NAV1: variants seen among roughly 807,000 people sequenced by gnomAD.
The protein encoded by NAV1 is neuron navigator 1.
Under a neutral mutation model 175.2 loss-of-function variants are expected in NAV1, and 18 were observed. The observed-to-expected ratio is 0.10, with a 90% CI of 0.07 to 0.15. NAV1 has a LOEUF of 0.15. Among genes scored for constraint, NAV1 ranks in the 10% least tolerant of loss-of-function variants. The probability of loss-of-function intolerance (pLI) is 1.00; values close to 1 mark genes in which losing one functional copy is unlikely to be tolerated. For missense variants in NAV1, 1,731 were observed against 2,436.6 expected, an observed-to-expected ratio of 0.71 and a Z score of 6.10; for synonymous variants, 897 against 978.7, an observed-to-expected ratio of 0.92 and a Z score of 1.56.
intron 3 of NAV1, chr1:201,739,740 G>T (rs1673281450): frequency 2.6e-6 from 3 of 1,168,758 alleles, no homozygotes; most frequent in Non-Finnish European, 3.2e-6. Context: ...TTGTCTACCT[G>T]CTCTGGGTGT....
intron 10 of NAV1, among the ~76,000 whole-genome samples, 179 bp from the exon 15 acceptor site, chr1:201,789,561 T>C (rs1676974526): frequency 6.6e-6 from 1 of 152,170 alleles, no homozygotes; most frequent in Non-Finnish European, 1.5e-5. Context: ...GGAGGCTAGC[T>C]TGACTCAAGA....
intron 3 of NAV1, among the ~76,000 whole-genome samples, chr1:201,732,155 G>C (rs541951904): frequency 6.6e-6 from 1 of 151,762 alleles, no homozygotes; most frequent in South Asian, 2.1e-4. Context: ...TGTCACCCAG[G>C]CTGGGGTGCA....
At chr1:201,670,717 C>G (rs1670009442) in intron 1 of NAV1, among the ~76,000 whole-genome samples, 1 of 147,568 alleles carries the variant, frequency 6.8e-6, no homozygotes, top group Admixed American at 6.8e-5. Flanking sequence ...CTCGGTAATG[C>G]TGGTAGAGAT....
chr1:201,757,718 G>C (rs1674603291), intron 3 of NAV1, among the ~76,000 whole-genome samples: 1 of 152,186 alleles, frequency 6.6e-6, no homozygotes, highest in African/African-American at 2.4e-5. Context: ...ATCCAGCGAG[G>C]CACAAGAGGG....
In NAV1 at chr1:201,802,136, CAAA is replaced by C. The variant is rs771631007; in HGVS notation, c.3518-1440_3518-1438del. On this transcript the variant is annotated intron_variant, in intron 15 of 29. Coordinates refer to ENST00000367296, the Ensembl canonical transcript of NAV1. The stretch of plus-strand genomic sequence containing the variant: ...TGGGCGACAGAGCGAGACTCCGTCT[CAAA>C]AAAAAAAAAAAAAAAATTAGCCGGG... Among the ~76,000 whole-genome samples, 68 of 20,310 alleles carry C rather than the reference CAAA, an allele frequency of 3.3e-3. 6 individuals carry two copies. Among genetic ancestry groups the C allele is most frequent in the Middle Eastern group, 0.062 (2 of 32 alleles). 13.3% of individuals were successfully genotyped at this position (20,310 alleles called of 152,430 possible).
chr1:201,685,498 C>T (rs983311109), intron 1 of NAV1, among the ~76,000 whole-genome samples: 3 of 152,158 alleles, frequency 2.0e-5, no homozygotes, highest in African/African-American at 7.2e-5. Context: ...GAGAAGGTGT[C>T]CATTACCCCA....
intron 28 of NAV1, among the ~76,000 whole-genome samples, chr1:201,816,267 A>G (rs1270148770): frequency 6.6e-6 from 1 of 152,118 alleles, no homozygotes; most frequent in Non-Finnish European, 1.5e-5. Flanking sequence ...GCTAGTTGGG[A>G]GGCTGAAGTA....
At chr1:201,660,123 C>T (rs1370805873) in intron 1 of NAV1, among the ~76,000 whole-genome samples, 1 of 152,170 alleles carries the variant, frequency 6.6e-6, no homozygotes, top group Non-Finnish European at 1.5e-5. Flanking sequence ...CATGGCCTCC[C>T]TGTCATCCTG....
exon 1 of NAV1, chr1:201,648,687 A>G: frequency 7.0e-7 from 1 of 1,422,474 alleles, no homozygotes; most frequent in Non-Finnish European, 9.1e-7. Context: ...CAGCAGCGTC[A>G]AGAGCGTGCA....
At chr1:201,793,910 G>A in intron 14 of NAV1, 35 bp downstream of exon 18, 1 of 1,462,740 alleles carries the variant, frequency 6.8e-7, no homozygotes, top group South Asian at 1.2e-5. Context: ...AGGGGTGGGT[G>A]CGGCGAGGGG....
At chr1:201,756,221 A>C (rs1674455780) in intron 3 of NAV1, among the ~76,000 whole-genome samples, 1 of 152,174 alleles carries the variant, frequency 6.6e-6, no homozygotes, top group Non-Finnish European at 1.5e-5. Context: ...TAACAGACTG[A>C]AAATTGGGGA....
chr1:201,623,574 A>G (rs374530659), exon 1 of NAV1: 1 of 986,640 alleles, frequency 1.0e-6, no homozygotes. Flanking sequence ...AGAGTCAGCC[A>G]GTCACAGCCA....
intron 3 of NAV1, among the ~76,000 whole-genome samples, chr1:201,756,804 C>CT (rs1674493529): frequency 6.5e-5 from 2 of 30,810 alleles, no homozygotes; most frequent in African/African-American, 2.9e-4. Context: ...CTCTTTCTTT[C>CT]TTTCCTTCTT....
chr1:201,660,203 G>C (rs990123114), intron 1 of NAV1, among the ~76,000 whole-genome samples: 1 of 152,210 alleles, frequency 6.6e-6, no homozygotes, highest in African/African-American at 2.4e-5. Context: ...TTTGGGGTGG[G>C]GGAGCAGGCA....
rs1489415112 is a variant in NAV1, at chr1:201,813,901, C to CA, written c.5340+649dup. Among the ~76,000 whole-genome samples the CA allele has an allele frequency of 2.6e-5, 4 of 151,924 alleles. No individual in the cohort carries two copies. Among genetic ancestry groups the CA allele is most frequent in the African/African-American group, 9.7e-5 (4 of 41,362 alleles). ...TGAAATCCCCTTTCTACTAAAAATA[C>CA]AAAAAATTAGCCAGACGTGGTGGTG... On this transcript the variant is annotated intron_variant, in intron 28 of 29. Transcript: ENST00000367296. This position sits in a 1 kb window ranked among gnomAD's most constrained non-coding sequence, Gnocchi z 4.2.
At position 201,582,475 on chromosome 1, in the gene NAV1, G is replaced by A. The variant is rs574425455; in HGVS notation, c.-143-6064G>A. ...AGAGGGGAAGAGAGAGGAATCCCCT[G>A]GCTTCTCCTTTCCTCCAGTGCCTCC... On this transcript the variant is annotated intron_variant, in intron 1 of 33. Transcript: ENST00000685211. Among the ~76,000 whole-genome samples, 4 of 152,292 alleles carry A rather than the reference G, an allele frequency of 2.6e-5. No individual in the cohort carries two copies. The East Asian group carries it at 5.8e-4, about 22-fold the overall frequency.
At chr1:201,804,465 C>G (rs768894433) in intron 16 of NAV1, 24 bp from the exon 21 acceptor site, 2 of 1,541,004 alleles carry the variant, frequency 1.3e-6, no homozygotes, top group South Asian at 2.4e-5. Context: ...AAAATGCTGA[C>G]TCCAAATCCC....
At chr1:201,597,904 G>A (rs866120407) in intron 2 of NAV1, among the ~76,000 whole-genome samples, 1 of 152,226 alleles carries the variant, frequency 6.6e-6, no homozygotes, top group South Asian at 2.1e-4. Context: ...ATTCCAGAGA[G>A]CAGAGTCGGG....
In NAV1 at chr1:201,740,157, G is replaced by A; in HGVS notation, c.1226+21402G>A. On this transcript the variant is annotated intron_variant, in intron 3 of 29. Transcript: ENST00000367296. The surrounding 1 kb of genome is among the most constrained non-coding windows in gnomAD (Gnocchi z 4.7). ...TTGTGGCACCCCCAGCCCCGCCGCA[G>A]CCCCCCAGTTCCGCCGCAGCTGCAG... is the stretch of plus-strand genomic sequence containing the variant. 1.7e-6 allele frequency: 2 copies of A among 1,176,698 alleles called. No individual in the cohort carries two copies. The highest frequency in any genetic ancestry group is 3.1e-5 in the Admixed American group (1 of 32,586). The allele number at this position is 1,176,698 out of a possible 1,614,324, so 72.9% of individuals were successfully genotyped here.
Sources: gnomAD v4.1 joint callset for allele counts (sites outside exome capture counted in the v4.1 genomes callset) on GRCh38, gnomAD v4.1.1 for gene constraint, Gnocchi (gnomAD v3.1) non-coding constraint, MANE v1.5 for transcripts, NCBI Gene and HGNC (gene_info 2026-07-23, HGNC 2026-07-21) for gene names.